RARB: variants seen among roughly 807,000 people sequenced by gnomAD.
The protein encoded by RARB is retinoic acid receptor beta.
In RARB, 17 loss-of-function variants were observed where a neutral mutation model predicts 51.9. That is an observed-to-expected ratio of 0.33 (90% CI 0.22 to 0.49). RARB has a LOEUF of 0.49. RARB is among the 20% of genes least tolerant of loss of function. RARB has a pLI of 0.99. For synonymous variants in RARB, 215 were observed against 195.4 expected, an observed-to-expected ratio of 1.10 and a Z score of -0.84; for missense variants, 369 against 550.8, an observed-to-expected ratio of 0.67 and a Z score of 3.30.
chr3:25,525,034 T>C (rs1698586843), intron 3 of RARB, among the ~76,000 whole-genome samples: 1 of 152,134 alleles, frequency 6.6e-6, no homozygotes, highest in African/African-American at 2.4e-5. Flanking sequence ...CAGCCCTTTG[T>C]ATATTTTTAA....
intron 5 of RARB, among the ~76,000 whole-genome samples, chr3:25,299,644 TA>T (rs1275866467): frequency 6.6e-6 from 1 of 152,230 alleles, no homozygotes; most frequent in Non-Finnish European, 1.5e-5. Flanking sequence ...TAAAAGTTTT[TA>T]AAAGACCATA....
chr3:25,438,305 T>C (rs926525743), intron 1 of RARB, among the ~76,000 whole-genome samples: 1 of 151,990 alleles, frequency 6.6e-6, no homozygotes, highest in Admixed American at 6.6e-5. Flanking sequence ...TATATTCTGC[T>C]GGTGAAGCAG....
chr3:25,019,214 G>A (rs941800982), intron 2 of RARB, among the ~76,000 whole-genome samples: 2 of 152,122 alleles, frequency 1.3e-5, no homozygotes, highest in Non-Finnish European at 2.9e-5. Flanking sequence ...ATTGTGGAAT[G>A]TTATTGTTAT....
chr3:24,955,141 T>A (rs1040575284), intron 2 of RARB, among the ~76,000 whole-genome samples: 1 of 152,022 alleles, frequency 6.6e-6, no homozygotes. Context: ...AAGTGGAGGA[T>A]TTTATGAAGC....
intron 5 of RARB, among the ~76,000 whole-genome samples, chr3:25,366,795 G>C (rs193254474): frequency 6.6e-6 from 1 of 152,182 alleles, no homozygotes; most frequent in African/African-American, 2.4e-5. Context: ...AGTCTCCAGT[G>C]AGAGCATTTC....
intron 2 of RARB, among the ~76,000 whole-genome samples, chr3:24,893,881 C>T (rs1293138060): frequency 2.0e-5 from 3 of 152,130 alleles, no homozygotes; most frequent in Non-Finnish European, 4.4e-5. Context: ...ATGTTTGTAA[C>T]ACTTTCACTT....
chr3:25,542,860 T>C (rs1025324407), intron 3 of RARB, among the ~76,000 whole-genome samples: 1 of 152,242 alleles, frequency 6.6e-6, no homozygotes, highest in African/African-American at 2.4e-5. Context: ...CTCTGTGAAG[T>C]GTTTAGTATT....
intron 2 of RARB, among the ~76,000 whole-genome samples, chr3:25,013,802 C>T (rs1575119065): frequency 6.6e-6 from 1 of 152,122 alleles, no homozygotes. Flanking sequence ...CTAGTTTCTT[C>T]TCTCTATACT....
intron 5 of RARB, among the ~76,000 whole-genome samples, chr3:25,193,033 T>G (rs941438610): frequency 6.6e-6 from 1 of 152,074 alleles, no homozygotes; most frequent in Non-Finnish European, 1.5e-5. Context: ...AGGCAAACTT[T>G]CATTCACTGT....
chr3:24,870,121 T>C (rs553354414), intron 2 of RARB, among the ~76,000 whole-genome samples: 17 of 152,258 alleles, frequency 1.1e-4, no homozygotes, highest in African/African-American at 4.1e-4. Flanking sequence ...TGTTAATTAC[T>C]TGTGTTGCAA....
At chr3:24,940,688 G>A (rs955654988) in intron 2 of RARB, among the ~76,000 whole-genome samples, 3 of 152,084 alleles carry the variant, frequency 2.0e-5, no homozygotes, top group South Asian at 2.1e-4. Flanking sequence ...TAGCACATGC[G>A]GAGGGAAAGG....
intron 2 of RARB, among the ~76,000 whole-genome samples, chr3:24,928,345 C>G (rs765918645): frequency 6.6e-6 from 1 of 151,888 alleles, no homozygotes; most frequent in Non-Finnish European, 1.5e-5. Context: ...GTAATTCATA[C>G]TTACATTAAA....
At chr3:25,413,251 T>G (rs1458569093) in intron 5 of RARB, among the ~76,000 whole-genome samples, 1 of 140,818 alleles carries the variant, frequency 7.1e-6, no homozygotes, top group African/African-American at 2.7e-5. Flanking sequence ...ATTTTTGTCT[T>G]TTTTCATGCA....
intron 2 of RARB, among the ~76,000 whole-genome samples, chr3:25,489,615 T>TTG (rs146400172): frequency 0.46 from 70,498 of 151,886 alleles, 18,110 homozygotes; most frequent in South Asian, 0.65. Context: ...TGTTGCACTG[T>TTG]TGTAGAGAGA....
At chr3:25,233,997 A>G (rs891784735) in intron 5 of RARB, among the ~76,000 whole-genome samples, 1 of 152,038 alleles carries the variant, frequency 6.6e-6, no homozygotes, top group Non-Finnish European at 1.5e-5. Flanking sequence ...TTTGAAGGCT[A>G]TTCATGACAA....
At chr3:25,421,001 A>G (rs2125506893) in intron 5 of RARB, among the ~76,000 whole-genome samples, 1 of 152,040 alleles carries the variant, frequency 6.6e-6, no homozygotes, top group South Asian at 2.1e-4. Context: ...CAAAAAAAAA[A>G]AAAAAAAACA....
At chr3:25,141,822 A>G (rs1464897766) in intron 4 of RARB, among the ~76,000 whole-genome samples, 2 of 152,218 alleles carry the variant, frequency 1.3e-5, no homozygotes, top group African/African-American at 4.8e-5. Flanking sequence ...TTTATAATAT[A>G]TGAAGTATCT....
At chr3:25,030,262 G>T (rs1697843010) in intron 2 of RARB, among the ~76,000 whole-genome samples, 1 of 152,190 alleles carries the variant, frequency 6.6e-6, no homozygotes, top group African/African-American at 2.4e-5. Context: ...ACATGTTAAA[G>T]CCAGCAGCGC....
chr3:25,322,538 C>G (rs1222462541), intron 5 of RARB, among the ~76,000 whole-genome samples: 1 of 152,078 alleles, frequency 6.6e-6, no homozygotes, highest in Non-Finnish European at 1.5e-5. Flanking sequence ...TTAATTTCTC[C>G]AAATAGATCC....
Sources: allele counts gnomAD v4.1 joint callset (sites outside exome capture counted in the v4.1 genomes callset), GRCh38; gene constraint gnomAD v4.1.1; transcripts MANE v1.5; gene names NCBI Gene and HGNC (gene_info 2026-07-23, HGNC 2026-07-21).